TENM2: variants seen among roughly 807,000 people sequenced by gnomAD.
TENM2 encodes the protein teneurin-2.
Under a neutral mutation model 245.2 loss-of-function variants are expected in TENM2, and 52 were observed. The ratio of observed to expected loss-of-function variants is 0.21; its 90% CI spans 0.17 to 0.27. The LOEUF is 0.27. Ranked by LOEUF, TENM2 falls within the 10% of genes least tolerant of loss-of-function variation. The probability of loss-of-function intolerance (pLI) is 1.00; values close to 1 mark genes in which losing one functional copy is unlikely to be tolerated. For missense variants in TENM2, 3,046 were observed against 3,666.8 expected, an observed-to-expected ratio of 0.83 and a Z score of 4.37; for synonymous variants, 1,363 against 1,438.9, an observed-to-expected ratio of 0.95 and a Z score of 1.19.
chr5:167,566,640 A>G (rs1200076821), intron 2 of TENM2, among the ~76,000 whole-genome samples: 2 of 152,170 alleles, frequency 1.3e-5, no homozygotes, highest in Non-Finnish European at 2.9e-5. Flanking sequence ...GGCTGTGATC[A>G]TTGTGCAACT....
chr5:167,318,505 C>T (rs1416852166), intron 1 of TENM2, among the ~76,000 whole-genome samples: 4 of 151,568 alleles, frequency 2.6e-5, no homozygotes, highest in Non-Finnish European at 5.9e-5. Context: ...TTATAACTAT[C>T]TCAGTGATTA....
intron 1 of TENM2, among the ~76,000 whole-genome samples, chr5:167,333,554 TG>T (rs1335411744): frequency 2.0e-5 from 3 of 152,198 alleles, no homozygotes; most frequent in Non-Finnish European, 4.4e-5. Context: ...TATATGTCCT[TG>T]GGCCAGCTAA....
intron 2 of TENM2, among the ~76,000 whole-genome samples, chr5:167,480,285 C>T (rs1376525752): frequency 6.6e-6 from 1 of 152,174 alleles, no homozygotes; most frequent in Non-Finnish European, 1.5e-5. Flanking sequence ...ATAGGAGTTA[C>T]ACAAACGGCT....
intron 1 of TENM2, among the ~76,000 whole-genome samples, chr5:167,336,690 A>G (rs1233081263): frequency 6.6e-6 from 1 of 152,114 alleles, no homozygotes; most frequent in Non-Finnish European, 1.5e-5. Flanking sequence ...TAATCTGAAA[A>G]TCTGAAATTC....
intron 2 of TENM2, among the ~76,000 whole-genome samples, chr5:167,562,817 C>T (rs1422926032): frequency 2.0e-5 from 3 of 151,906 alleles, no homozygotes; most frequent in East Asian, 1.9e-4. Flanking sequence ...TTTAGCCAGG[C>T]GTGTTGGCAG....
At chr5:167,321,340 A>T (rs942840654) in intron 1 of TENM2, among the ~76,000 whole-genome samples, 3 of 152,142 alleles carry the variant, frequency 2.0e-5, no homozygotes, top group African/African-American at 7.2e-5. Flanking sequence ...GTCATTCCTG[A>T]AGCTTCTCTC....
intron 2 of TENM2, among the ~76,000 whole-genome samples, chr5:167,387,375 G>T (rs1381354511): frequency 1.3e-5 from 2 of 151,994 alleles, no homozygotes; most frequent in Non-Finnish European, 2.9e-5. Flanking sequence ...CTTTGTATCC[G>T]GAAAGTTTGT....
chr5:167,359,102 C>T (rs1407393137), intron 1 of TENM2, among the ~76,000 whole-genome samples: 1 of 152,148 alleles, frequency 6.6e-6, no homozygotes, highest in Non-Finnish European at 1.5e-5. Context: ...CTTTACTACT[C>T]TTTGCAGCAA....
At chr5:167,361,591 T>G (rs1162055475) in intron 1 of TENM2, among the ~76,000 whole-genome samples, 4 of 152,246 alleles carry the variant, frequency 2.6e-5, no homozygotes, top group African/African-American at 9.6e-5. Context: ...TTAAGTTCTT[T>G]TTGTCACTTT....
intron 2 of TENM2, among the ~76,000 whole-genome samples, chr5:167,462,174 G>GTC (rs1185837325): frequency 3.4e-5 from 2 of 58,932 alleles, no homozygotes; most frequent in African/African-American, 5.3e-5. Flanking sequence ...AGAGTTCCCT[G>GTC]ACCCCCACCC....
chr5:167,990,597 T>G (rs1336149349), intron 4 of TENM2, among the ~76,000 whole-genome samples: 2 of 152,304 alleles, frequency 1.3e-5, no homozygotes, highest in East Asian at 3.9e-4. Flanking sequence ...AGGTCTGTCT[T>G]GTGCTACAAT....
chr5:167,597,503 G>A (rs1268642211), intron 2 of TENM2, among the ~76,000 whole-genome samples: 2 of 152,072 alleles, frequency 1.3e-5, no homozygotes, highest in African/African-American at 4.8e-5. Flanking sequence ...CTTTCACGAA[G>A]CTTTTGAGAA....
intron 12 of TENM2, among the ~76,000 whole-genome samples, chr5:168,127,629 G>A (rs1354631899): frequency 6.6e-6 from 1 of 152,168 alleles, no homozygotes; most frequent in African/African-American, 2.4e-5. Context: ...TTGTGGTTTA[G>A]GGTAGGACTA....
chr5:167,007,923 T>C, the TENM2 span, among the ~76,000 whole-genome samples: 1 of 152,060 alleles, frequency 6.6e-6, no homozygotes, highest in Non-Finnish European at 1.5e-5. The surrounding 1 kb of genome is among the most constrained non-coding windows in gnomAD (Gnocchi z 4.2). Context: ...GGTGCAGGGC[T>C]CTATCTGGGA....
chr5:168,256,108 T>C (rs1322172940), intron 27 of TENM2, among the ~76,000 whole-genome samples: 2 of 152,004 alleles, frequency 1.3e-5, no homozygotes, highest in East Asian at 3.9e-4. Flanking sequence ...CTGGCTAGAA[T>C]TTATTTTTTT....
At chr5:167,978,901 G>C (rs1448463453) in intron 4 of TENM2, among the ~76,000 whole-genome samples, 1 of 152,166 alleles carries the variant, frequency 6.6e-6, no homozygotes, top group Non-Finnish European at 1.5e-5. Context: ...GAGACAACAA[G>C]ATAGTTAGGC....
intron 2 of TENM2, among the ~76,000 whole-genome samples, chr5:167,768,228 C>T (rs77077201): frequency 0.016 from 2,398 of 152,122 alleles, 68 homozygotes; most frequent in East Asian, 0.14. Context: ...GTTTTGTTTT[C>T]CCTTTCTGGC....
At chr5:167,534,889 C>T (rs1771748103) in intron 2 of TENM2, among the ~76,000 whole-genome samples, 1 of 152,164 alleles carries the variant, frequency 6.6e-6, no homozygotes, top group African/African-American at 2.4e-5. Context: ...TGATGACCTG[C>T]ACTTCTTGAG....
the TENM2 span, among the ~76,000 whole-genome samples, chr5:167,168,974 T>A: frequency 7.9e-5 from 12 of 152,148 alleles, no homozygotes; most frequent in Non-Finnish European, 1.6e-4. Flanking sequence ...TTAGCCAGGA[T>A]GGTCTCGATC....
Sources: gnomAD v4.1 joint callset for allele counts (sites outside exome capture counted in the v4.1 genomes callset) on GRCh38, gnomAD v4.1.1 for gene constraint, Gnocchi (gnomAD v3.1) non-coding constraint, MANE v1.5 for transcripts, NCBI Gene and HGNC (gene_info 2026-07-23, HGNC 2026-07-21) for gene names.